The following TSNARE1 variants were observed in gnomAD, a reference collection of about 807,000 sequenced individuals.
The protein encoded by TSNARE1 is t-SNARE domain-containing protein 1.
A neutral mutation model predicts 62.0 loss-of-function variants in TSNARE1; 49 were observed. That is an observed-to-expected ratio of 0.79 (90% confidence interval 0.63 to 1.00). The LOEUF is 1.00. Among genes scored for constraint, TSNARE1 ranks in the 50% least tolerant of loss-of-function variants. The pLI is 0.00. For missense variants in TSNARE1, 755 were observed against 700.1 expected (o/e 1.08, Z -0.88); for synonymous variants, 328 against 294.4 (o/e 1.11, Z -1.17).
chr8:142,266,956 A>C (rs1819164759), intron 12 of TSNARE1, among the ~76,000 whole-genome samples: 1 of 152,236 alleles, frequency 6.6e-6, no homozygotes, highest in Admixed American at 6.5e-5. Flanking sequence ...TATGTTGCTT[A>C]ACCCATCCAC....
chr8:142,328,706 G>A (rs143863392), intron 6 of TSNARE1, among the ~76,000 whole-genome samples: 2,305 of 152,228 alleles, frequency 0.015, 30 homozygotes, highest in Non-Finnish European at 0.023. Context: ...CAGGGTGGAA[G>A]GGAATAGAGC....
intron 11 of TSNARE1, among the ~76,000 whole-genome samples, chr8:142,283,777 G>GT: frequency 7.3e-6 from 1 of 136,780 alleles, no homozygotes; most frequent in Non-Finnish European, 1.6e-5. Flanking sequence ...CAGCGTCAAT[G>GT]AACAGAGGCG....
intron 6 of TSNARE1, among the ~76,000 whole-genome samples, chr8:142,326,606 C>T (rs113450038): frequency 8.7e-5 from 10 of 114,448 alleles, no homozygotes; most frequent in African/African-American, 3.6e-4. Flanking sequence ...CCAGCACCAG[C>T]GAAGGGGAGG....
At chr8:142,276,341 G>A (rs1820490298) in intron 11 of TSNARE1, 1 of 985,368 alleles carries the variant, frequency 1.0e-6, no homozygotes, top group Admixed American at 6.1e-5. Flanking sequence ...GGAGAGGGAA[G>A]GAAGATGGGG....
intron 6 of TSNARE1, among the ~76,000 whole-genome samples, chr8:142,327,233 G>C (rs965433033): frequency 2.0e-5 from 3 of 152,228 alleles, no homozygotes; most frequent in Non-Finnish European, 4.4e-5. Context: ...CTGGTGAATG[G>C]GTCTGTCCTT....
upstream of TSNARE1, chr8:142,405,220 A>G (rs1838566206): frequency 6.6e-6 from 1 of 152,248 alleles, no homozygotes; most frequent in African/African-American, 2.4e-5. Flanking sequence ...GGAAATAGCC[A>G]ATAGCTGCCT....
chr8:142,261,333 AGGAG>A (rs1381975453), intron 12 of TSNARE1, among the ~76,000 whole-genome samples: 2 of 108,932 alleles, frequency 1.8e-5, no homozygotes, highest in African/African-American at 7.1e-5. Flanking sequence ...GGAGAGAGGG[AGGAG>A]GGAGGGAGGG....
chr8:142,388,824 C>T (rs1172229275), intron 1 of TSNARE1, among the ~76,000 whole-genome samples: 2 of 152,118 alleles, frequency 1.3e-5, no homozygotes, highest in Non-Finnish European at 2.9e-5. Flanking sequence ...GATCTGTCTG[C>T]CCCGGCCTCC....
At chr8:142,267,785 T>C (rs983156222) in intron 12 of TSNARE1, among the ~76,000 whole-genome samples, 1 of 152,122 alleles carries the variant, frequency 6.6e-6, no homozygotes, top group African/African-American at 2.4e-5. Flanking sequence ...TGGTAAACAT[T>C]TGGGCTGCCT....
intron 12 of TSNARE1, among the ~76,000 whole-genome samples, chr8:142,243,941 A>G (rs1817770439): frequency 6.6e-6 from 1 of 151,934 alleles, no homozygotes; most frequent in African/African-American, 2.4e-5. Context: ...TAATCCCAGC[A>G]ATTTGGGAGG....
intron 10 of TSNARE1, among the ~76,000 whole-genome samples, chr8:142,292,767 C>A (rs1374740415): frequency 6.6e-6 from 1 of 152,148 alleles, no homozygotes; most frequent in Non-Finnish European, 1.5e-5. Context: ...GAGCCCTACT[C>A]CAGGCTGCAC....
intron 10 of TSNARE1, among the ~76,000 whole-genome samples, chr8:142,298,359 A>C (rs1357574808): frequency 1.3e-5 from 2 of 152,070 alleles, no homozygotes; most frequent in African/African-American, 4.8e-5. Context: ...AGGATCGCGG[A>C]CGGGGCAGCC....
intron 1 of TSNARE1, among the ~76,000 whole-genome samples, chr8:142,388,204 CAAT>C (rs1449412253): frequency 1.3e-5 from 2 of 151,894 alleles, no homozygotes; most frequent in Non-Finnish European, 2.9e-5. Context: ...TGACAAAATT[CAAT>C]AATGATTCTT....
chr8:142,248,179 T>A (rs1397631232), intron 12 of TSNARE1, among the ~76,000 whole-genome samples: 1 of 152,194 alleles, frequency 6.6e-6, no homozygotes, highest in Non-Finnish European at 1.5e-5. Context: ...TGGGAGACCC[T>A]GCCCGGACAA....
At chr8:142,308,106 A>C (rs566874741) in intron 9 of TSNARE1, among the ~76,000 whole-genome samples, 2 of 152,014 alleles carry the variant, frequency 1.3e-5, no homozygotes, top group South Asian at 4.2e-4. Context: ...TTCCTTGTTG[A>C]TTTGTAAGAT....
chr8:142,403,213 C>T (rs944780126), upstream of TSNARE1: 5 of 150,450 alleles, frequency 3.3e-5, no homozygotes, highest in African/African-American at 7.3e-5. Flanking sequence ...GCGTGCGCGC[C>T]CCCTCCCGCA....
chr8:142,391,638 G>T (rs925220660), intron 1 of TSNARE1, among the ~76,000 whole-genome samples: 2 of 152,234 alleles, frequency 1.3e-5, no homozygotes, highest in Non-Finnish European at 2.9e-5. Context: ...CCAGACGCGG[G>T]TGCTCACAGT....
intron 1 of TSNARE1, among the ~76,000 whole-genome samples, chr8:142,376,755 T>C (rs1265818813): frequency 1.3e-5 from 2 of 152,022 alleles, no homozygotes; most frequent in Non-Finnish European, 2.9e-5. Context: ...GGCCCGGGCA[T>C]GGGGGCTGTA....
intron 1 of TSNARE1, among the ~76,000 whole-genome samples, chr8:142,385,599 T>C (rs1837061087): frequency 6.6e-6 from 1 of 152,174 alleles, no homozygotes; most frequent in African/African-American, 2.4e-5. Context: ...CCTCACCTTA[T>C]TAGTAAGAAC....
Sources: allele counts gnomAD v4.1 joint callset (sites outside exome capture counted in the v4.1 genomes callset), GRCh38; gene constraint gnomAD v4.1.1; transcripts MANE v1.5; gene names NCBI Gene and HGNC (gene_info 2026-07-23, HGNC 2026-07-21).